The following CREM variants were observed in gnomAD, a reference collection of about 807,000 sequenced individuals.
CREM encodes the protein cAMP-responsive element modulator.
In CREM, 13 loss-of-function variants were observed where a neutral mutation model predicts 37.3. The ratio of observed to expected loss-of-function variants is 0.35; its 90% CI spans 0.23 to 0.55. CREM has a LOEUF of 0.55. CREM is among the 20% of genes least tolerant of loss of function. The pLI is 0.88. For missense variants in CREM, 296 were observed against 362.3 expected (o/e 0.82, Z 1.49); for synonymous variants, 124 against 120.2 (o/e 1.03, Z -0.21).
chr10:35,209,209 A>G (rs952415397), intron 7 of CREM: 1 of 644,504 alleles, frequency 1.6e-6, no homozygotes, highest in African/African-American at 2.0e-5. Flanking sequence ...TCACAGATAG[A>G]TCTCTTACAT....
chr10:35,171,673 C>T (rs1027628531), intron 3 of CREM, among the ~76,000 whole-genome samples: 2 of 152,188 alleles, frequency 1.3e-5, no homozygotes, highest in Non-Finnish European at 2.9e-5. Flanking sequence ...TCTCAACCCA[C>T]AGGTCTAGTT....
rs1211549035 is a variant in CREM at position 35,127,208 on chromosome 10, G to A, written c.-55+15G>A. On this transcript the variant is annotated intron_variant, in intron 1 of 7. Coordinates refer to ENST00000685392, the MANE Select transcript of CREM (RefSeq NM_183011.2). ...CTTTGCGGCGGGTAAGTGGTGCGTCGGCTCCGGCCCCGAGACCCAGCAGCG... is the reference window on the plus strand; with the variant it reads ...CTTTGCGGCGGGTAAGTGGTGCGTCAGCTCCGGCCCCGAGACCCAGCAGCG... 1 of 153,008 alleles carries A rather than the reference G, an allele frequency of 6.5e-6. No homozygotes were observed. Among genetic ancestry groups the A allele is most frequent in the African/African-American group, 2.4e-5 (1 of 41,416 alleles). 9.5% of individuals were successfully genotyped at this position (153,008 alleles called of 1,614,324 possible).
In CREM at chr10:35,166,861, G is replaced by T. The variant is rs561133411; in HGVS notation, c.169-12028G>T. Among the ~76,000 whole-genome samples, 8 of 152,216 alleles carry T rather than the reference G, an allele frequency of 5.3e-5. No individual in the cohort carries two copies. The East Asian group carries it at 1.5e-3, about 29-fold the overall frequency. The stretch of plus-strand genomic sequence containing the variant: ...ATATGACTTTTAAAAATTAAAGTGG[G>T]CCGGGCACGGTGGCTCACACCTGTA... On this transcript the variant is annotated intron_variant, in intron 3 of 7. Transcript: ENST00000685392.
intron 5 of CREM, among the ~76,000 whole-genome samples, chr10:35,187,149 A>G (rs2094648051): frequency 1.4e-5 from 1 of 70,598 alleles, no homozygotes; most frequent in South Asian, 3.3e-4. Flanking sequence ...AATATATAAT[A>G]TATATAATAT....
chr10:35,137,886 A>T lies in CREM; in HGVS notation c.44+7A>T. ...ATATTAAGACAAATCCAAGGTAGGT[A>T]GATGTACGTTTTTCTGTTCTTTTGA... is the stretch of plus-strand genomic sequence containing the variant. On this transcript the variant is annotated splice_region_variant and intron_variant, in intron 2 of 7. Transcript: ENST00000685392. 1.3e-6 allele frequency: 2 copies of T among 1,580,612 alleles called. No homozygotes were observed. Among genetic ancestry groups the T allele is most frequent in the Non-Finnish European group, 1.7e-6 (2 of 1,163,416 alleles).
intron 3 of CREM, among the ~76,000 whole-genome samples, chr10:35,168,376 T>C (rs1589800700): frequency 1.3e-5 from 2 of 152,392 alleles, no homozygotes; most frequent in Non-Finnish European, 2.9e-5. Flanking sequence ...CATGTGTCTG[T>C]TGGCTGCATA....
intron 3 of CREM, among the ~76,000 whole-genome samples, chr10:35,162,791 G>GA: frequency 6.6e-6 from 1 of 152,236 alleles, no homozygotes; most frequent in Non-Finnish European, 1.5e-5. Context: ...AAATTTGGTT[G>GA]AAAAAGCAAG....
intron 2 of CREM, among the ~76,000 whole-genome samples, chr10:35,138,269 A>C (rs2090896059): frequency 6.6e-6 from 1 of 152,262 alleles, no homozygotes; most frequent in Admixed American, 6.5e-5. Flanking sequence ...CGTTTTAAAA[A>C]TATCCAAATA....
chr10:35,157,580 G>T (rs888899296), intron 3 of CREM, among the ~76,000 whole-genome samples: 30 of 148,570 alleles, frequency 2.0e-4, no homozygotes, highest in Non-Finnish European at 3.4e-4. Flanking sequence ...AGGTTGCAAT[G>T]AGCCAAGATC....
chr10:35,173,779 T>C (rs1476971431), intron 3 of CREM, among the ~76,000 whole-genome samples: 2 of 152,222 alleles, frequency 1.3e-5, no homozygotes, highest in South Asian at 2.1e-4. Context: ...TTCCTCCTTC[T>C]TAAGATCTAG....
chr10:35,186,972 ATAT>A lies in CREM; in HGVS notation c.410-1224_410-1222del, dbSNP rs1396150539. On this transcript the variant is annotated intron_variant, in intron 5 of 7. Coordinates refer to ENST00000685392, the MANE Select transcript of CREM (RefSeq NM_183011.2). Reference sequence around the variant, plus strand: ...TTATATATATAAATATATAATTTATATATTATATGTGATATATATTATATATTA... The same window carrying A: ...TTATATATATAAATATATAATTTATATATATGTGATATATATTATATATTA... Among the ~76,000 whole-genome samples the A allele has an allele frequency of 2.1e-3, 201 of 95,030 alleles. 1 individual carries two copies. The highest frequency in any genetic ancestry group is 8.6e-3 in the African/African-American group (194 of 22,636). 62.3% of individuals were successfully genotyped at this position (95,030 alleles called of 152,430 possible). A position where few individuals can be genotyped will look rare whatever the true frequency, so the allele number is the denominator to read the frequency against.
intron 3 of CREM, among the ~76,000 whole-genome samples, chr10:35,169,145 G>T (rs1250585766): frequency 6.6e-6 from 1 of 152,222 alleles, no homozygotes; most frequent in Non-Finnish European, 1.5e-5. Flanking sequence ...AAAGTCATTG[G>T]TAGCCTGATT....
intron 6 of CREM, among the ~76,000 whole-genome samples, chr10:35,199,041 CG>C (rs1231073241): frequency 6.6e-6 from 1 of 152,112 alleles, no homozygotes. Flanking sequence ...CCCAGCTACT[CG>C]GGAGGCTGAG....
chr10:35,160,080 T>TA (rs1246865288), intron 3 of CREM, among the ~76,000 whole-genome samples: 1 of 152,122 alleles, frequency 6.6e-6, no homozygotes, highest in African/African-American at 2.4e-5. Flanking sequence ...TGCAAACATC[T>TA]AGAGTGTACT....
chr10:35,133,816 C>T (rs2089913392), intron 1 of CREM, among the ~76,000 whole-genome samples: 1 of 152,198 alleles, frequency 6.6e-6, no homozygotes, highest in Non-Finnish European at 1.5e-5. Context: ...GGTAAGCACC[C>T]CTCCCTGTTG....
At chr10:35,148,817 CAG>C (rs1385522273) in intron 3 of CREM, among the ~76,000 whole-genome samples, 25 of 152,262 alleles carry the variant, frequency 1.6e-4, no homozygotes, top group Admixed American at 1.2e-3. Flanking sequence ...GTTAAGATGA[CAG>C]AAATCTTACC....
chr10:35,200,824 A>C (rs1259892813), intron 6 of CREM, among the ~76,000 whole-genome samples: 2 of 152,206 alleles, frequency 1.3e-5, no homozygotes, highest in Non-Finnish European at 2.9e-5. Flanking sequence ...TCTCTATATA[A>C]AAATGTTTTT....
intron 2 of CREM, among the ~76,000 whole-genome samples, chr10:35,138,836 A>G (rs1449392841): frequency 2.0e-5 from 3 of 150,958 alleles, no homozygotes; most frequent in Non-Finnish European, 3.0e-5. Flanking sequence ...CAGCCTGGGG[A>G]AAAAAAAAGA....
At chr10:35,186,667 T>C (rs1249399782) in intron 5 of CREM, among the ~76,000 whole-genome samples, 1 of 141,832 alleles carries the variant, frequency 7.1e-6, no homozygotes, top group Non-Finnish European at 1.5e-5. Flanking sequence ...ATATGACATA[T>C]ATAATTATAA....
Sources: gnomAD v4.1 joint callset for allele counts (sites outside exome capture counted in the v4.1 genomes callset) on GRCh38, gnomAD v4.1.1 for gene constraint, MANE v1.5 for transcripts, NCBI Gene and HGNC (gene_info 2026-07-23, HGNC 2026-07-21) for gene names.